Variants in ADCY9 observed in about 807,000 individuals in gnomAD.
ADCY9 encodes adenylate cyclase type 9.
A neutral mutation model predicts 101.5 loss-of-function variants in ADCY9; 50 were observed. That is an observed-to-expected ratio of 0.49 (90% CI 0.39 to 0.62). ADCY9 has a LOEUF of 0.62. ADCY9 is among the 20% of genes least tolerant of loss of function. The pLI is 0.00. For synonymous variants in ADCY9, 905 were observed against 769.3 expected, an observed-to-expected ratio of 1.18 and a Z score of -2.92; for missense variants, 1,662 against 1,800.4, an observed-to-expected ratio of 0.92 and a Z score of 1.39.
intron 3 of ADCY9, among the ~76,000 whole-genome samples, chr16:3,993,774 T>C (rs2056266218): frequency 6.6e-6 from 1 of 152,122 alleles, no homozygotes; most frequent in Non-Finnish European, 1.5e-5. Context: ...CAAACTGTGG[T>C]CTATTCGAAC....
Position 3,972,845 on chromosome 16 carries a change from T to A in ADCY9, c.2870+1824A>T, listed in dbSNP as rs190781848. On this transcript the variant is annotated intron_variant, in intron 10 of 10. Coordinates refer to ENST00000294016, the MANE Select transcript of ADCY9 (RefSeq NM_001116.4). ...CTCTACTTCTTGGTCTGGGTGGTAGTTAAATGGGTGTGTTCTCTGGTGAAA... is the reference window on the plus strand; with the variant it reads ...CTCTACTTCTTGGTCTGGGTGGTAGATAAATGGGTGTGTTCTCTGGTGAAA... Among the ~76,000 whole-genome samples the A allele has an allele frequency of 2.4e-3, 366 of 152,140 alleles. 2 individuals carry two copies. The highest frequency in any genetic ancestry group is 8.5e-3 in the African/African-American group (351 of 41,496).
At chr16:4,022,901 A>G (rs1040549025) in intron 2 of ADCY9, among the ~76,000 whole-genome samples, 1 of 152,220 alleles carries the variant, frequency 6.6e-6, no homozygotes, top group African/African-American at 2.4e-5. Context: ...GTTAAGAATG[A>G]GATTAGACCT....
Position 4,007,525 on chromosome 16 carries a change from G to A in ADCY9, c.1727C>T (p.Ala576Val), listed in dbSNP as rs1402669553. Residue 576 changes from alanine (A) to valine (V), a missense_variant, in exon 3 of 11, where the codon GCC (alanine) becomes GTC (valine). This residue lies in a region of ADCY9 where 624 missense variants were observed against 639.1 expected (regional missense o/e 0.98). Transcript: ENST00000294016. The stretch of plus-strand genomic sequence containing the variant: ...TGCACAGCTGCAGCGAGACTCCTTG[G>A]CTCTCTGACCCGATATCAGGTATGT... The part of the protein sequence containing the change: ...LKTYLISGQR[A>V]KESRCSCAEA... The A allele has an allele frequency of 2.5e-6, 4 of 1,611,782 alleles. No homozygotes were observed. Among genetic ancestry groups the A allele is most frequent in the African/African-American group, 2.7e-5 (2 of 74,724 alleles).
rs1341412380 is a variant in ADCY9, at chr16:3,966,204, C to A, written c.3633G>T (p.Glu1211Asp). The A allele has an allele frequency of 6.2e-7, 1 of 1,614,222 alleles. No individual in the cohort carries two copies. Among genetic ancestry groups the A allele is most frequent in the Admixed American group, 1.7e-5 (1 of 60,028 alleles). The stretch of plus-strand genomic sequence containing the variant: ...CCATCTTGCTCAAGACGCGGTAGCT[C>A]TCTTCGCTCACCTGGATGCGGCACT... ...GVECRIQVSE[E>D]SYRVLSKMGY... Residue 1211 changes from glutamate to aspartate, a missense_variant, in exon 11 of 11, where the codon GAG becomes GAT. Physicochemically the swap from Glu to Asp is conservative, Grantham distance 45. Transcript: ENST00000294016.
At chr16:4,026,700 G>A (rs767473561) in intron 2 of ADCY9, among the ~76,000 whole-genome samples, 14 of 152,292 alleles carry the variant, frequency 9.2e-5, no homozygotes, top group African/African-American at 2.2e-4. Context: ...CATCCAGGAC[G>A]AATCTCAATA....
chr16:3,979,006 T>A, intron 8 of ADCY9, 110 bp downstream of exon 8: 1 of 1,411,938 alleles, frequency 7.1e-7, no homozygotes, highest in Non-Finnish European at 9.8e-7. Context: ...TGAGCCACCA[T>A]GCCTGGCCAA....
At chr16:3,990,878 C>T (rs1450485306) in intron 5 of ADCY9, among the ~76,000 whole-genome samples, 1 of 152,250 alleles carries the variant, frequency 6.6e-6, no homozygotes, top group Non-Finnish European at 1.5e-5. Flanking sequence ...CAGCTCATTG[C>T]AGCCTCTGCC....
intron 3 of ADCY9, among the ~76,000 whole-genome samples, chr16:3,994,867 G>A (rs975999427): frequency 3.9e-5 from 6 of 152,200 alleles, no homozygotes; most frequent in East Asian, 1.9e-4. Flanking sequence ...CTTAAGCTCC[G>A]TGTGATGGTG....
At chr16:4,018,496 A>G (rs908761478) in intron 2 of ADCY9, among the ~76,000 whole-genome samples, 1 of 152,084 alleles carries the variant, frequency 6.6e-6, no homozygotes, top group Non-Finnish European at 1.5e-5. Context: ...TACAGGCGTG[A>G]GCCACCGCGC....
rs993746030 is a variant in ADCY9 at position 3,963,976 on chromosome 16, G to A, written c.*1799C>T. 3 of 152,640 alleles carry A rather than the reference G, an allele frequency of 2.0e-5. No homozygotes were observed. The highest frequency in any genetic ancestry group is 6.5e-5 in the Admixed American group (1 of 15,290). The allele number at this position is 152,640 out of a possible 1,614,324, so 9.5% of individuals were successfully genotyped here. ...TGACAGGAAACCTTACAGCTAATGG[G>A]GGGAGGTGCCCTGGACTCTCAGGAC... On this transcript the variant is annotated 3_prime_UTR_variant, in exon 11 of 11. Transcript: ENST00000294016.
intron 3 of ADCY9, among the ~76,000 whole-genome samples, chr16:3,998,708 CAAAAA>C (rs1165056665): frequency 1.4e-3 from 5 of 3,602 alleles, no homozygotes; most frequent in Non-Finnish European, 2.4e-3. Context: ...AACTCTGTCT[CAAAAA>C]AAAAAAAAAA....
At chr16:4,018,541 G>A (rs1224683427) in intron 2 of ADCY9, among the ~76,000 whole-genome samples, 4 of 152,070 alleles carry the variant, frequency 2.6e-5, no homozygotes, top group East Asian at 1.9e-4. Flanking sequence ...CTAACCTTCC[G>A]CGGGAGCAGT....
chr16:4,058,190 G>A (rs1478930857), intron 2 of ADCY9, among the ~76,000 whole-genome samples: 1 of 147,100 alleles, frequency 6.8e-6, no homozygotes, highest in Non-Finnish European at 1.5e-5. Flanking sequence ...GAGGCTGGGC[G>A]CAGTGGCTCA....
intron 2 of ADCY9, among the ~76,000 whole-genome samples, chr16:4,016,429 GA>G (rs1439738644): frequency 1.3e-5 from 2 of 152,156 alleles, no homozygotes; most frequent in Non-Finnish European, 2.9e-5. Context: ...AGACGGGAGG[GA>G]GGGGGATAGG....
intron 2 of ADCY9, among the ~76,000 whole-genome samples, chr16:4,072,994 G>GAAAAAAAAA (rs59730727): frequency 8.5e-5 from 11 of 129,636 alleles, no homozygotes; most frequent in South Asian, 4.9e-4. Flanking sequence ...TATCCTAAAA[G>GAAAAAAAAA]AAAAAAAAAA....
At chr16:4,074,574 G>A (rs1298618238) in intron 2 of ADCY9, among the ~76,000 whole-genome samples, 2 of 151,394 alleles carry the variant, frequency 1.3e-5, no homozygotes, top group Non-Finnish European at 2.9e-5. Context: ...ACAATTAGCC[G>A]GGCATGGTGG....
chr16:3,972,592 G>A (rs1270362350), intron 10 of ADCY9, among the ~76,000 whole-genome samples: 1 of 152,194 alleles, frequency 6.6e-6, no homozygotes, highest in Non-Finnish European at 1.5e-5. Flanking sequence ...ATAAATGGAA[G>A]TTAGAGTAAA....
chr16:3,990,011 G>A (rs753369484), intron 5 of ADCY9, among the ~76,000 whole-genome samples: 4 of 152,136 alleles, frequency 2.6e-5, no homozygotes, highest in Non-Finnish European at 5.9e-5. Flanking sequence ...AATCAACCCC[G>A]CTTTCCATGA....
At chr16:4,057,701 T>A (rs2056749122) in intron 2 of ADCY9, among the ~76,000 whole-genome samples, 1 of 152,214 alleles carries the variant, frequency 6.6e-6, no homozygotes, top group South Asian at 2.1e-4. Context: ...GAGTGATTTC[T>A]TGTTCATTCT....
Sources: gnomAD v4.1 joint callset for allele counts (sites outside exome capture counted in the v4.1 genomes callset) on GRCh38, gnomAD v4.1.1 for gene constraint, gnomAD v4.1.1 regional missense constraint, MANE v1.5 for transcripts, NCBI Gene and HGNC (gene_info 2026-07-23, HGNC 2026-07-21) for gene names.